STARD13: variants seen among roughly 807,000 people sequenced by gnomAD.
The protein encoded by STARD13 is StAR related lipid transfer domain containing 13, also known as stAR-related lipid transfer protein 13.
STARD13 carries 62 observed loss-of-function variants against 106.4 expected under a neutral mutation model. That is an observed-to-expected ratio of 0.58 (90% CI 0.48 to 0.72). The LOEUF is 0.72. STARD13 is among the 30% of genes least tolerant of loss of function. STARD13 has a pLI of 0.00. For missense variants in STARD13, 1,387 were observed against 1,424.0 expected, an observed-to-expected ratio of 0.97 and a Z score of 0.42; for synonymous variants, 565 against 553.0, an observed-to-expected ratio of 1.02 and a Z score of -0.31.
At chr13:33,138,535 T>A (rs1879369351) in intron 4 of STARD13, 1 of 159,478 alleles carries the variant, frequency 6.3e-6, no homozygotes, top group South Asian at 1.7e-4. Context: ...AATTTGGCCA[T>A]ATCTTTACAC....
At chr13:33,574,245 A>G in the STARD13 span, among the ~76,000 whole-genome samples, 1 of 152,220 alleles carries the variant, frequency 6.6e-6, no homozygotes, top group Non-Finnish European at 1.5e-5. Flanking sequence ...CTAAACTGCC[A>G]TCAAGTTTGT....
chr13:33,199,220 T>C (rs966802956), intron 1 of STARD13, among the ~76,000 whole-genome samples: 2 of 152,244 alleles, frequency 1.3e-5, no homozygotes, highest in African/African-American at 4.8e-5. Flanking sequence ...CCATAGCACA[T>C]TGCCTTAAGC....
At chr13:33,318,091 G>A (rs1251320842) in intron 1 of STARD13, among the ~76,000 whole-genome samples, 2 of 152,204 alleles carry the variant, frequency 1.3e-5, no homozygotes, top group East Asian at 3.9e-4. Context: ...CTATTGGGAG[G>A]TAATACGATC....
the STARD13 span, among the ~76,000 whole-genome samples, chr13:33,508,411 T>A: frequency 2.0e-5 from 3 of 152,086 alleles, no homozygotes; most frequent in African/African-American, 4.8e-5. Flanking sequence ...TAGGGACAAG[T>A]GGAAAAAAAT....
chr13:33,129,853 T>G lies in STARD13; in HGVS notation c.824A>C (p.His275Pro). The change falls in exon 5 of 14, where the codon CAT (histidine) becomes CCT (proline). Residue 275 changes from histidine to proline, a missense_variant. His to Pro is a moderately conservative substitution (Grantham distance 77). Coordinates refer to ENST00000336934, the MANE Select transcript of STARD13 (RefSeq NM_178006.4). ...GCCACCTGTCCGCCCAGACCCCTTA[T>G]GCCTCCCGTGGGCTCCCTTCCCTCG... ...TLRGKGAHGR[H>P]KGSGRTGGLV... 7 of 1,612,996 alleles carry G rather than the reference T, an allele frequency of 4.3e-6. No homozygotes were observed. The highest frequency in any genetic ancestry group is 4.5e-5 in the East Asian group (2 of 44,876).
the STARD13 span, among the ~76,000 whole-genome samples, chr13:33,414,282 C>A: frequency 2.6e-4 from 40 of 152,232 alleles, no homozygotes; most frequent in African/African-American, 8.7e-4. Flanking sequence ...TTTCTTCCAG[C>A]AATTGTTTTC....
the STARD13 span, among the ~76,000 whole-genome samples, chr13:33,643,767 G>A: frequency 1.2e-4 from 18 of 152,182 alleles, no homozygotes; most frequent in African/African-American, 2.7e-4. Context: ...CACACTGCAC[G>A]CTTCTTAAAC....
rs577504043 is a variant in STARD13, at chr13:33,129,762, T to C, written c.915A>G (p.Gln305=). 1.2e-6 allele frequency: 2 copies of C among 1,614,072 alleles called. No homozygotes were observed. The highest frequency in any genetic ancestry group is 2.2e-5 in the East Asian group (1 of 44,874). ...PESFKAMQCI[Q]IPNGDLQNSP... is the part of the protein sequence containing the mutation. ...AATTCTGGAGATCTCCATTTGGTATTTGGATGCACTGCATAGCCTTAAAGG... is the reference window on the plus strand; with the variant it reads ...AATTCTGGAGATCTCCATTTGGTATCTGGATGCACTGCATAGCCTTAAAGG... Residue 305 remains glutamine (Q), a synonymous_variant, in exon 5 of 14, where the codon CAA becomes CAG. Transcript: ENST00000336934.
At chr13:33,621,211 C>T in the STARD13 span, among the ~76,000 whole-genome samples, 3 of 151,052 alleles carry the variant, frequency 2.0e-5, no homozygotes, top group African/African-American at 7.3e-5. Flanking sequence ...TTGGTAAGCA[C>T]TTAGCAAGAA....
the STARD13 span, among the ~76,000 whole-genome samples, chr13:33,556,172 A>T: frequency 6.6e-6 from 1 of 152,336 alleles, no homozygotes; most frequent in South Asian, 2.1e-4. Context: ...TAAAATCAAG[A>T]TGATGTTTAA....
chr13:33,544,680 A>T, the STARD13 span, among the ~76,000 whole-genome samples: 1 of 152,148 alleles, frequency 6.6e-6, no homozygotes, highest in African/African-American at 2.4e-5. Context: ...GTATTTCCCT[A>T]ATAGGCTAGT....
chr13:33,309,440 T>C (rs1893049152), intron 1 of STARD13, among the ~76,000 whole-genome samples: 1 of 152,170 alleles, frequency 6.6e-6, no homozygotes, highest in Non-Finnish European at 1.5e-5. Context: ...AGGAGACACC[T>C]GACCAACTAA....
At chr13:33,362,622 A>G in the STARD13 span, among the ~76,000 whole-genome samples, 3 of 152,158 alleles carry the variant, frequency 2.0e-5, no homozygotes, top group East Asian at 5.8e-4. Context: ...GGTGATCTCA[A>G]CAACAACGTC....
At chr13:33,379,525 T>C in the STARD13 span, among the ~76,000 whole-genome samples, 2 of 152,244 alleles carry the variant, frequency 1.3e-5, no homozygotes, top group African/African-American at 4.8e-5. Context: ...TAGGAGGTTT[T>C]CTGTTTGTAT....
At chr13:33,165,222 C>G in intron 3 of STARD13, 115 bp downstream of exon 3, 1 of 796,830 alleles carries the variant, frequency 1.3e-6, no homozygotes, top group South Asian at 1.5e-5. Context: ...CTGGGTCAGG[C>G]ACATGGTAGG....
At chr13:33,233,116 G>A (rs893898187) in intron 1 of STARD13, among the ~76,000 whole-genome samples, 1 of 152,226 alleles carries the variant, frequency 6.6e-6, no homozygotes, top group Non-Finnish European at 1.5e-5. Context: ...GCAGATAGGG[G>A]CAGGTACTGG....
chr13:33,367,503 A>T, the STARD13 span, among the ~76,000 whole-genome samples: 2 of 152,238 alleles, frequency 1.3e-5, no homozygotes, highest in Admixed American at 6.5e-5. Flanking sequence ...CTCTCAAAAA[A>T]AAAGAAGGAC....
chr13:33,266,240 T>C (rs1890890099), intron 1 of STARD13, among the ~76,000 whole-genome samples: 1 of 152,248 alleles, frequency 6.6e-6, no homozygotes. Context: ...ATCTTTAAAA[T>C]GGGAACATCA....
At chr13:33,275,069 A>C (rs140924960) in intron 1 of STARD13, among the ~76,000 whole-genome samples, 1 of 152,284 alleles carries the variant, frequency 6.6e-6, no homozygotes, top group East Asian at 1.9e-4. Flanking sequence ...CTATTTATCT[A>C]TAAGACCTGA....
Sources: gnomAD v4.1 joint callset for allele counts (sites outside exome capture counted in the v4.1 genomes callset) on GRCh38, gnomAD v4.1.1 for gene constraint, MANE v1.5 for transcripts, NCBI Gene and HGNC (gene_info 2026-07-23, HGNC 2026-07-21) for gene names.